Variants in HYDIN observed in about 807,000 individuals in gnomAD.
HYDIN encodes the protein axonemal central pair apparatus protein HYDIN.
Under a neutral mutation model 403.9 loss-of-function variants are expected in HYDIN, and 132 were observed. The observed-to-expected ratio is 0.33, with a 90% confidence interval of 0.28 to 0.38. The LOEUF is 0.38. Ranked by LOEUF, HYDIN falls within the 10% of genes least tolerant of loss-of-function variation. HYDIN has a pLI of 1.00. For missense variants in HYDIN, 2,827 were observed against 5,009.5 expected (o/e 0.56, Z 13.15); for synonymous variants, 1,202 against 1,891.7 (o/e 0.64, Z 9.46).
At chr16:70,955,773 C>T (rs1215405061) in intron 39 of HYDIN, among the ~76,000 whole-genome samples, 1 of 152,152 alleles carries the variant, frequency 6.6e-6, no homozygotes, top group African/African-American at 2.4e-5. Context: ...CATGCTGTGG[C>T]AATCTGCATC....
At chr16:71,060,212 T>C (rs2082034995) in intron 18 of HYDIN, among the ~76,000 whole-genome samples, 1 of 151,952 alleles carries the variant, frequency 6.6e-6, no homozygotes, top group Non-Finnish European at 1.5e-5. Context: ...TGACTGTACT[T>C]GCCTGTTTAC....
chr16:71,166,911 T>C lies in HYDIN; in HGVS notation c.517-4181A>G, dbSNP rs370449753. On this transcript the variant is annotated intron_variant, in intron 5 of 85. Coordinates refer to ENST00000393567, the MANE Select transcript of HYDIN (RefSeq NM_001270974.2). ...CCAACATGGCAAAACCCAGCCTCTA[T>C]AAAAATTAGCTGGGCATGGTGGCTC... Among the ~76,000 whole-genome samples, 1,194 of 151,794 alleles carry C rather than the reference T, an allele frequency of 7.9e-3. 12 individuals carry two copies. Among genetic ancestry groups the C allele is most frequent in the African/African-American group, 0.027 (1,132 of 41,402 alleles).
chr16:71,001,271 A>AAAGGCAATAGATGCTTG (rs2079699366), intron 23 of HYDIN, among the ~76,000 whole-genome samples: 1 of 92,200 alleles, frequency 1.1e-5, no homozygotes, highest in Non-Finnish European at 2.2e-5. Context: ...CTTGGCCTGG[A>AAAGGCAATAGATGCTTG]AAGGCAATAG....
At chr16:71,190,459 T>C (rs2087378829) in intron 1 of HYDIN, among the ~76,000 whole-genome samples, 1 of 152,218 alleles carries the variant, frequency 6.6e-6, no homozygotes, top group South Asian at 2.1e-4. Context: ...CTAATTATTT[T>C]GGAAATAATA....
At chr16:71,040,136 T>C (rs1435826858) in intron 18 of HYDIN, among the ~76,000 whole-genome samples, 1 of 151,836 alleles carries the variant, frequency 6.6e-6, no homozygotes, top group African/African-American at 2.4e-5. Flanking sequence ...AGGGGTGGAG[T>C]GCAGCAGGTC....
intron 23 of HYDIN, among the ~76,000 whole-genome samples, chr16:70,994,274 G>C (rs868265829): frequency 4.2e-5 from 4 of 94,142 alleles, no homozygotes; most frequent in Non-Finnish European, 7.9e-5. Flanking sequence ...TGCATGGATG[G>C]ATGGATGGAT....
chr16:70,843,558 A>T (rs1235289811), intron 75 of HYDIN, among the ~76,000 whole-genome samples: 1 of 142,118 alleles, frequency 7.0e-6, no homozygotes, highest in Non-Finnish European at 1.5e-5. Flanking sequence ...GTATATACCC[A>T]GTAATGGGAT....
At chr16:71,040,274 A>G (rs2144192423) in intron 18 of HYDIN, among the ~76,000 whole-genome samples, 1 of 150,816 alleles carries the variant, frequency 6.6e-6, no homozygotes, top group Non-Finnish European at 1.5e-5. Context: ...GCAGCTGAGT[A>G]AGGGACACAC....
chr16:71,129,511 G>A (rs1206812034), intron 9 of HYDIN, 129 bp downstream of exon 9: 1 of 756,830 alleles, frequency 1.3e-6, no homozygotes, highest in Non-Finnish European at 2.1e-6. Flanking sequence ...GTGATGGTGA[G>A]TTTCTTCAGG....
At chr16:70,969,154 A>G (rs2078668511) in intron 36 of HYDIN, among the ~76,000 whole-genome samples, 2 of 152,068 alleles carry the variant, frequency 1.3e-5, no homozygotes, top group African/African-American at 4.8e-5. Context: ...AACTGTAACA[A>G]AACAAAATAT....
intron 1 of HYDIN, among the ~76,000 whole-genome samples, chr16:71,224,559 C>CTTTTTTT (rs34595246): frequency 1.7e-5 from 2 of 117,386 alleles, no homozygotes; most frequent in Admixed American, 8.7e-5. Context: ...TAAGGTTTTT[C>CTTTTTTT]TTTTTTTTTT....
At chr16:70,859,726 G>C (rs1038190297) in intron 71 of HYDIN, among the ~76,000 whole-genome samples, 11 of 152,176 alleles carry the variant, frequency 7.2e-5, no homozygotes, top group African/African-American at 2.4e-4. Context: ...CACCATTTTT[G>C]GTCCTTTTGA....
intron 12 of HYDIN, among the ~76,000 whole-genome samples, chr16:71,087,102 G>T (rs1321821146): frequency 6.6e-6 from 1 of 151,932 alleles, no homozygotes; most frequent in Non-Finnish European, 1.5e-5. Context: ...GAATGTTTCA[G>T]ATAAGTCTTG....
chr16:70,965,088 T>TG (rs1184879100), intron 36 of HYDIN, among the ~76,000 whole-genome samples, 192 bp from the exon 37 acceptor site: 1 of 151,020 alleles, frequency 6.6e-6, no homozygotes, highest in Non-Finnish European at 1.5e-5. Flanking sequence ...TCTGAGCCTG[T>TG]GGGGATACAT....
intron 1 of HYDIN, among the ~76,000 whole-genome samples, chr16:71,211,641 CA>C (rs548855002): frequency 0.097 from 4,860 of 50,058 alleles, 261 homozygotes; most frequent in African/African-American, 0.26. Context: ...GACTCCATCT[CA>C]AAAAAAAAAA....
chr16:70,900,414 T>C (rs1482417131), intron 53 of HYDIN, among the ~76,000 whole-genome samples: 3 of 146,850 alleles, frequency 2.0e-5, no homozygotes, highest in Non-Finnish European at 4.5e-5. Context: ...GAGGTGGAGG[T>C]TGCAGTGAGC....
Position 70,818,406 on chromosome 16 carries a change from G to T in HYDIN, c.14594C>A (p.Ser4865Tyr). 1.2e-6 allele frequency: 2 copies of T among 1,613,708 alleles called. No individual in the cohort carries two copies. Among genetic ancestry groups the T allele is most frequent in the Non-Finnish European group, 1.7e-6 (2 of 1,179,780 alleles). Reference sequence around the variant, plus strand: ...GATGTCGGGCATCCGGCATTCCGTGGAGAAGGTCACCGAGTAGGGCAGAGG... The same window carrying T: ...GATGTCGGGCATCCGGCATTCCGTGTAGAAGGTCACCGAGTAGGGCAGAGG... ...ENPLPYSVTF[S>Y]TECRMPDIAL... Residue 4865 changes from serine to tyrosine, a missense_variant, in exon 84 of 86, where the codon TCC (serine) becomes TAC (tyrosine). By Grantham distance (144) the Ser-to-Tyr change is moderately radical. Transcript: ENST00000393567.
chr16:70,957,064 C>A (rs1415296887), intron 39 of HYDIN, among the ~76,000 whole-genome samples: 2 of 149,460 alleles, frequency 1.3e-5, no homozygotes, highest in Non-Finnish European at 2.9e-5. Context: ...CCCCCATCAC[C>A]ACCATCCACC....
chr16:71,221,258 G>GAA (rs79657027), intron 1 of HYDIN, among the ~76,000 whole-genome samples: 2 of 133,322 alleles, frequency 1.5e-5, no homozygotes, highest in African/African-American at 5.7e-5. Flanking sequence ...AAGGTATAAA[G>GAA]AAAAAAAAAA....
Sources: gnomAD v4.1 joint callset for allele counts (sites outside exome capture counted in the v4.1 genomes callset) on GRCh38, gnomAD v4.1.1 for gene constraint, MANE v1.5 for transcripts, NCBI Gene and HGNC (gene_info 2026-07-23, HGNC 2026-07-21) for gene names.